The following TPO variants were observed in gnomAD, a reference collection of about 807,000 sequenced individuals.
TPO encodes the protein thyroid peroxidase, also known as thyroid microsomal antigen.
In TPO, 78 loss-of-function variants were observed where a neutral mutation model predicts 96.9. That is an observed-to-expected ratio of 0.81 (90% CI 0.67 to 0.97). TPO has a LOEUF of 0.97. Ranked by LOEUF, TPO falls within the 50% of genes least tolerant of loss-of-function variation. The pLI is 0.00. For synonymous variants in TPO, 547 were observed against 538.0 expected (o/e 1.02, Z -0.23); for missense variants, 1,252 against 1,274.8 (o/e 0.98, Z 0.27).
intron 1 of TPO, among the ~76,000 whole-genome samples, chr2:1,379,032 T>C (rs1193680500): frequency 6.6e-6 from 1 of 152,150 alleles, no homozygotes; most frequent in East Asian, 1.9e-4. Context: ...TTTGTTTTAT[T>C]TCATTTAAAG....
intron 5 of TPO, among the ~76,000 whole-genome samples, chr2:1,444,382 C>A (rs1666545103): frequency 6.7e-6 from 1 of 149,630 alleles, no homozygotes; most frequent in South Asian, 2.1e-4. Context: ...CTGGCTCCTT[C>A]TTGTTTGTAT....
At chr2:1,542,033 C>G (rs1033680720) in intron 16 of TPO, 2 of 271,136 alleles carry the variant, frequency 7.4e-6, no homozygotes, top group Admixed American at 4.9e-5. Flanking sequence ...CCAGCCACAG[C>G]AAGGGCAGTG....
rs368333337 is a variant in TPO at position 1,377,676 on chromosome 2, T to G, written n.180+3274T>G. Among the ~76,000 whole-genome samples, 538 of 152,312 alleles carry G rather than the reference T, an allele frequency of 3.5e-3. 4 individuals carry two copies. The highest frequency in any genetic ancestry group is 0.012 in the African/African-American group (486 of 41,564). ...TCGGTCTTGTCCTCACAGGTTCTCC[T>G]GGCCCTGGGTGAGTCACGCTGGGAG... On this transcript the variant is annotated intron_variant and non_coding_transcript_variant, in intron 1 of 5. Transcript: ENST00000497517.
Position 1,542,589 on chromosome 2 carries a change from G to T in TPO, c.*115G>T, listed in dbSNP as rs28915689. 0.11 allele frequency: 165,800 copies of T among 1,561,682 alleles called. 10,179 individuals carry two copies. The highest frequency in any genetic ancestry group is 0.19 in the Admixed American group (9,815 of 51,776). The stretch of plus-strand genomic sequence containing the variant: ...CAGGACGACTGTTTTCCCAACACGG[G>T]TAAATCTAGTACCATGTCGTAGTTA... On this transcript the variant is annotated 3_prime_UTR_variant, in exon 17 of 17. Coordinates refer to ENST00000329066, the MANE Select transcript of TPO (RefSeq NM_001206744.2).
At chr2:1,436,451 T>A in intron 5 of TPO, 67 bp downstream of exon 5, 1 of 1,608,150 alleles carries the variant, frequency 6.2e-7, no homozygotes, top group South Asian at 1.1e-5. Context: ...GATGCCATCA[T>A]GAAGGAACTT....
upstream of TPO, chr2:1,374,182 C>G (rs1449090047): frequency 6.6e-6 from 1 of 152,236 alleles, no homozygotes; most frequent in African/African-American, 2.4e-5. Flanking sequence ...AAAGATAATT[C>G]AGATGGAAAT....
chr2:1,537,449 T>C (rs369798126), intron 15 of TPO, among the ~76,000 whole-genome samples: 854 of 28,744 alleles, frequency 0.03, no homozygotes, highest in South Asian at 0.053. Context: ...CTCCCAAATC[T>C]CCCCACTGTG....
rs61734469 is a variant in TPO, at chr2:1,477,222, G to C, written c.956G>C (p.Gly319Ala). 1.2e-6 allele frequency: 2 copies of C among 1,609,706 alleles called. No individual in the cohort carries two copies. ...GCCAACCCGCGGCAGCAGATGAACG[G>C]GTTGACCTCGTTCCTGGACGCGTCC... Reference protein sequence around the residue: ...STANPRQQMNGLTSFLDASTV... With the variant: ...STANPRQQMNALTSFLDASTV... The change falls in exon 8 of 17, where the codon GGG becomes GCG. Residue 319 changes from glycine (G) to alanine (A), a missense_variant. Physicochemically the swap from Gly to Ala is moderately conservative, Grantham distance 60. Transcript: ENST00000329066.
At chr2:1,434,218 A>C (rs540048978) in intron 4 of TPO, among the ~76,000 whole-genome samples, 1 of 152,244 alleles carries the variant, frequency 6.6e-6, no homozygotes, top group Non-Finnish European at 1.5e-5. Context: ...TTCAAAAGTC[A>C]TATTGGTGCT....
chr2:1,525,876 A>ACTCCTCAAATCCCAATACTGTGTGCAAC (rs1676339280), intron 15 of TPO, among the ~76,000 whole-genome samples: 2 of 62,110 alleles, frequency 3.2e-5, no homozygotes, highest in African/African-American at 5.4e-5. Flanking sequence ...ATGTGTGCAA[A>ACTCCTCAAATCCCAATACTGTGTGCAAC]CTCCTCAAAT....
chr2:1,535,269 C>A lies in TPO; in HGVS notation c.2619-5325C>A, dbSNP rs796216433. Among the ~76,000 whole-genome samples, 14 of 18,612 alleles carry A rather than the reference C, an allele frequency of 7.5e-4. 3 individuals are homozygous for A. Among genetic ancestry groups the A allele is most frequent in the Non-Finnish European group, 1.1e-3 (10 of 8,704 alleles). The allele number at this position is 18,612 out of a possible 152,430, so 12.2% of individuals were successfully genotyped here. ...CCCACTCTGTGCAACCTCCCAAAAT[C>A]CCCCATACTGTATGCAACCTCCTCA... On this transcript the variant is annotated intron_variant, in intron 15 of 16. Coordinates refer to ENST00000329066, the MANE Select transcript of TPO (RefSeq NM_001206744.2).
intron 5 of TPO, among the ~76,000 whole-genome samples, chr2:1,445,260 A>T (rs1666663773): frequency 7.7e-6 from 1 of 129,784 alleles, no homozygotes; most frequent in African/African-American, 2.9e-5. Flanking sequence ...TGTTTGTATG[A>T]TCCAATCACT....
chr2:1,504,668 C>T (rs371002003), intron 14 of TPO, among the ~76,000 whole-genome samples: 4 of 152,300 alleles, frequency 2.6e-5, no homozygotes, highest in East Asian at 3.9e-4. Context: ...AAACTTTTGA[C>T]GAATTTACTC....
At chr2:1,498,225 G>C (rs1672548051) in intron 13 of TPO, among the ~76,000 whole-genome samples, 2 of 152,190 alleles carry the variant, frequency 1.3e-5, no homozygotes, top group Non-Finnish European at 2.9e-5. Flanking sequence ...GTCATAAAGG[G>C]AGAGGCTGAG....
intron 14 of TPO, among the ~76,000 whole-genome samples, chr2:1,510,537 G>A (rs1200793324): frequency 1.3e-5 from 2 of 152,188 alleles, no homozygotes; most frequent in African/African-American, 4.8e-5. Context: ...TCCCAGTGGA[G>A]GTCAGGAACA....
intron 1 of TPO, among the ~76,000 whole-genome samples, chr2:1,392,592 T>C (rs1396503806): frequency 6.6e-6 from 1 of 152,212 alleles, no homozygotes; most frequent in Non-Finnish European, 1.5e-5. Flanking sequence ...CCAGTTCCTC[T>C]TTGTACCTCC....
chr2:1,534,982 C>G (rs1372099510), intron 15 of TPO, among the ~76,000 whole-genome samples: 4 of 147,820 alleles, frequency 2.7e-5, no homozygotes, highest in African/African-American at 1.0e-4. Context: ...CAAATCCCCC[C>G]AGTGTGTGCA....
chr2:1,495,171 T>C (rs1672201595), intron 11 of TPO, among the ~76,000 whole-genome samples: 1 of 152,188 alleles, frequency 6.6e-6, no homozygotes, highest in Non-Finnish European at 1.5e-5. Flanking sequence ...TCTCATCCTA[T>C]GTATTTATGA....
intron 15 of TPO, among the ~76,000 whole-genome samples, chr2:1,524,318 C>T (rs1422977188): frequency 6.3e-5 from 9 of 143,420 alleles, no homozygotes; most frequent in African/African-American, 2.4e-4. Flanking sequence ...TGTGCAACCA[C>T]CCCAAATCCC....
Sources: gnomAD v4.1 joint callset for allele counts (sites outside exome capture counted in the v4.1 genomes callset) on GRCh38, gnomAD v4.1.1 for gene constraint, MANE v1.5 for transcripts, NCBI Gene and HGNC (gene_info 2026-07-23, HGNC 2026-07-21) for gene names.